CEP83: variants seen among roughly 807,000 people sequenced by gnomAD.
CEP83 encodes centrosomal protein 83.
Under a neutral mutation model 101.9 loss-of-function variants are expected in CEP83, and 70 were observed. That is an observed-to-expected ratio of 0.69 (90% CI 0.57 to 0.84). The LOEUF is 0.84. Among genes scored for constraint, CEP83 ranks in the 40% least tolerant of loss-of-function variants. The pLI, the probability that CEP83 is intolerant of heterozygous loss-of-function variation, is 0.00. For synonymous variants in CEP83, 264 were observed against 267.9 expected, an observed-to-expected ratio of 0.99 and a Z score of 0.14; for missense variants, 715 against 787.2, an observed-to-expected ratio of 0.91 and a Z score of 1.10.
At position 94,406,058 on chromosome 12, in the gene CEP83, T is replaced by A. The variant is rs1371068078; in HGVS notation, c.325-2796A>T. Among the ~76,000 whole-genome samples, 3 of 152,198 alleles carry A rather than the reference T, an allele frequency of 2.0e-5. No homozygotes were observed. The East Asian group carries it at 5.8e-4, about 29-fold the overall frequency. On this transcript the variant is annotated intron_variant, in intron 4 of 16. Transcript: ENST00000397809. ...CAAAAACAGATTAAAATCCTTTGTT[T>A]CATAAAGAAATTGTTATACTACTCA...
In CEP83 at chr12:94,378,896, C is replaced by T. The variant is rs199828197; in HGVS notation, c.696G>A (p.Ala232=). 168 of 1,614,038 alleles carry T rather than the reference C, an allele frequency of 1.0e-4. No individual in the cohort carries two copies. The Middle Eastern group carries it at 5.4e-3, about 52-fold the overall frequency. The change falls in exon 7 of 17, where the codon GCG becomes GCA. Residue 232 remains alanine, a synonymous_variant. Transcript: ENST00000397809. ...AATTCTCCTTTTCAGCCTTTAATTC[C>T]GCTACTTCAGCCTCTAAACCTTTTA... ...QKLKGLEAEV[A]ELKAEKENSE... is the part of the protein sequence containing the mutation.
chr12:94,284,104 AAAAAG>A, the CEP83 span, among the ~76,000 whole-genome samples: 3 of 151,742 alleles, frequency 2.0e-5, no homozygotes, highest in African/African-American at 7.3e-5. Context: ...AAAAAAAAAA[AAAAAG>A]CAGGGTTTGC....
At chr12:94,395,817 T>C (rs1039606612) in intron 6 of CEP83, among the ~76,000 whole-genome samples, 1 of 152,008 alleles carries the variant, frequency 6.6e-6, no homozygotes, top group African/African-American at 2.4e-5. Context: ...TGAGATTCTG[T>C]CTCAAGAAAA....
intron 1 of CEP83, among the ~76,000 whole-genome samples, chr12:94,436,331 A>T (rs1001491711): frequency 1.2e-4 from 19 of 152,048 alleles, no homozygotes; most frequent in African/African-American, 3.4e-4. Flanking sequence ...CAAATAAAAA[A>T]AAAAATAAAA....
At chr12:94,436,254 A>G (rs1052356513) in intron 1 of CEP83, among the ~76,000 whole-genome samples, 3 of 152,206 alleles carry the variant, frequency 2.0e-5, no homozygotes. Context: ...TGCCAGATAA[A>G]GAATTTGGAA....
intron 5 of CEP83, 35 bp downstream of exon 5, chr12:94,403,135 G>A (rs1315824613): frequency 2.8e-6 from 3 of 1,055,302 alleles, no homozygotes; most frequent in Non-Finnish European, 4.4e-6. Flanking sequence ...GATCCCATGA[G>A]GATAAATGCA....
intron 12 of CEP83, among the ~76,000 whole-genome samples, chr12:94,334,053 A>T (rs1009706909): frequency 5.7e-5 from 7 of 121,742 alleles, no homozygotes; most frequent in African/African-American, 2.5e-4. Context: ...GAAAGCAGCT[A>T]AAAAAAAAAA....
chr12:94,292,806 G>A, the CEP83 span, among the ~76,000 whole-genome samples: 75 of 152,302 alleles, frequency 4.9e-4, no homozygotes, highest in African/African-American at 1.6e-3. Flanking sequence ...GTGGCACCAC[G>A]TTAGCACCCA....
At chr12:94,293,657 C>T in the CEP83 span, among the ~76,000 whole-genome samples, 5 of 152,286 alleles carry the variant, frequency 3.3e-5, no homozygotes, top group African/African-American at 1.2e-4. Context: ...CTCACTCTGT[C>T]GCCCAGGCTG....
chr12:94,374,174 T>C (rs571739823), intron 8 of CEP83, among the ~76,000 whole-genome samples: 6 of 151,990 alleles, frequency 3.9e-5, no homozygotes, highest in African/African-American at 1.2e-4. Context: ...GGGAAGAGTA[T>C]ATATATATGG....
At chr12:94,276,225 C>G in the CEP83 span, among the ~76,000 whole-genome samples, 1 of 152,142 alleles carries the variant, frequency 6.6e-6, no homozygotes, top group Non-Finnish European at 1.5e-5. Context: ...TAAAAGGTGC[C>G]TCCCATTCAT....
intron 2 of CEP83, chr12:94,424,757 T>A: frequency 6.2e-7 from 1 of 1,612,064 alleles, no homozygotes; most frequent in Non-Finnish European, 8.5e-7. Context: ...CTTGACAAGA[T>A]CTTGGTCAGT....
the CEP83 span, chr12:94,298,649 G>C: frequency 6.3e-7 from 1 of 1,598,800 alleles, no homozygotes; most frequent in Non-Finnish European, 8.5e-7. Context: ...TTCATTCTGT[G>C]CTTGAAAAAC....
chr12:94,437,348 C>G (rs1382187570), intron 1 of CEP83, among the ~76,000 whole-genome samples: 2 of 152,044 alleles, frequency 1.3e-5, no homozygotes, highest in African/African-American at 4.8e-5. Context: ...TGGTCTAAAA[C>G]ACATACACAC....
chr12:94,380,617 A>G (rs2061795129), intron 6 of CEP83, among the ~76,000 whole-genome samples: 1 of 152,098 alleles, frequency 6.6e-6, no homozygotes, highest in Non-Finnish European at 1.5e-5. Context: ...AGGTAACCTG[A>G]TATGGTTTTA....
the CEP83 span, chr12:94,282,900 CT>C: frequency 6.5e-6 from 1 of 154,684 alleles, no homozygotes; most frequent in African/African-American, 2.4e-5. Flanking sequence ...AACCCACATA[CT>C]GGGTGAGTGC....
intron 14 of CEP83, among the ~76,000 whole-genome samples, chr12:94,316,353 AATTTT>A (rs374446987): frequency 3.9e-4 from 59 of 152,252 alleles, no homozygotes; most frequent in African/African-American, 1.3e-3. Context: ...AATTCATATT[AATTTT>A]AATAGTTTGA....
chr12:94,381,178 G>A (rs750472056), intron 6 of CEP83, among the ~76,000 whole-genome samples: 4 of 152,114 alleles, frequency 2.6e-5, no homozygotes, highest in Non-Finnish European at 5.9e-5. Flanking sequence ...CACCACTTGT[G>A]TCCCAGACAT....
At chr12:94,294,568 T>C in the CEP83 span, 9 of 989,764 alleles carry the variant, frequency 9.1e-6, no homozygotes, top group East Asian at 2.3e-4. Context: ...GTTAACCTTT[T>C]GTTCTCACCC....
Sources: gnomAD v4.1 joint callset for allele counts (sites outside exome capture counted in the v4.1 genomes callset) on GRCh38, gnomAD v4.1.1 for gene constraint, MANE v1.5 for transcripts, NCBI Gene and HGNC (gene_info 2026-07-23, HGNC 2026-07-21) for gene names.